ATG10: variants seen among roughly 807,000 people sequenced by gnomAD.
The protein encoded by ATG10 is autophagy related 10.
In ATG10, 30 loss-of-function variants were observed where a neutral mutation model predicts 32.1. The ratio of observed to expected loss-of-function variants is 0.94; its 90% CI spans 0.70 to 1.27. The LOEUF (loss-of-function observed/expected upper bound fraction) is 1.27, where lower values mean the gene tolerates loss of function less well. ATG10 is among the 50% of genes most tolerant of loss of function. The pLI, the probability that ATG10 is intolerant of heterozygous loss-of-function variation, is 0.00. For synonymous variants in ATG10, 87 were observed against 91.5 expected (o/e 0.95, Z 0.28); for missense variants, 233 against 262.3 (o/e 0.89, Z 0.77).
At chr5:82,061,347 A>G (rs1405692530) in intron 3 of ATG10, among the ~76,000 whole-genome samples, 1 of 15,118 alleles carries the variant, frequency 6.6e-5, no homozygotes, top group Non-Finnish European at 1.6e-4. Flanking sequence ...ATTTTCTTAG[A>G]ATGTTTTTTT....
chr5:82,117,276 A>G (rs1436956130), intron 3 of ATG10, among the ~76,000 whole-genome samples: 1 of 152,136 alleles, frequency 6.6e-6, no homozygotes, highest in Non-Finnish European at 1.5e-5. Flanking sequence ...AAATGGAATG[A>G]GGTTTGAGTA....
In ATG10 at chr5:81,977,921, AGG is replaced by A. The variant is rs1488356443; in HGVS notation, c.-13+5617_-13+5618del. 2.6e-5 allele frequency among the ~76,000 whole-genome samples: 4 copies of A among 152,240 alleles called. No individual in the cohort carries two copies. The East Asian group carries it at 7.7e-4, about 29-fold the overall frequency. On this transcript the variant is annotated intron_variant, in intron 1 of 7. Coordinates refer to ENST00000282185, the MANE Select transcript of ATG10 (RefSeq NM_031482.5). ...GACTTTTGCAAGAAGAAAAATTTAA[AGG>A]GAATGTGCCTTTCATTACAAAAATG...
chr5:82,115,085 G>A (rs2149818711), intron 3 of ATG10, among the ~76,000 whole-genome samples: 2 of 152,074 alleles, frequency 1.3e-5, no homozygotes, highest in Middle Eastern at 6.8e-3. Context: ...TGTATTGAAT[G>A]GAGTAAACCA....
At chr5:82,059,105 G>A (rs1472898568) in intron 3 of ATG10, among the ~76,000 whole-genome samples, 1 of 151,840 alleles carries the variant, frequency 6.6e-6, no homozygotes, top group Non-Finnish European at 1.5e-5. Flanking sequence ...GCTGGATCTG[G>A]GTCTTATTCC....
At chr5:82,115,639 C>T (rs1463034004) in intron 3 of ATG10, among the ~76,000 whole-genome samples, 1 of 151,926 alleles carries the variant, frequency 6.6e-6, no homozygotes, top group African/African-American at 2.4e-5. Flanking sequence ...TAACATCATA[C>T]TGTCTCATAC....
At chr5:82,139,490 C>T (rs1423281690) in intron 3 of ATG10, among the ~76,000 whole-genome samples, 20 of 138,192 alleles carry the variant, frequency 1.4e-4, no homozygotes, top group African/African-American at 5.3e-4. Context: ...GCCTCTGCCC[C>T]GCCGCCCCAT....
At chr5:82,193,621 C>T (rs991656948) in intron 5 of ATG10, among the ~76,000 whole-genome samples, 2 of 152,040 alleles carry the variant, frequency 1.3e-5, no homozygotes, top group African/African-American at 2.4e-5. Flanking sequence ...GGTCTTCATG[C>T]GATCAAATTA....
chr5:81,994,340 A>C (rs1405212428), intron 2 of ATG10, among the ~76,000 whole-genome samples: 1 of 152,190 alleles, frequency 6.6e-6, no homozygotes, highest in Non-Finnish European at 1.5e-5. Context: ...GAGTCCTAAA[A>C]ATGAAGGAAA....
chr5:82,098,308 G>GTTTTT (rs35693758), intron 3 of ATG10, among the ~76,000 whole-genome samples: 10 of 115,590 alleles, frequency 8.7e-5, no homozygotes, highest in Non-Finnish European at 1.3e-4. Flanking sequence ...TTGTTGTTGG[G>GTTTTT]TTTTTTTTTT....
chr5:82,242,622 G>T (rs755569321), intron 5 of ATG10, among the ~76,000 whole-genome samples: 6 of 152,118 alleles, frequency 3.9e-5, no homozygotes, highest in African/African-American at 4.8e-5. Flanking sequence ...ATGACAATTA[G>T]ACTGATAGTC....
chr5:82,193,740 G>C (rs1744749187), intron 5 of ATG10, among the ~76,000 whole-genome samples: 1 of 152,016 alleles, frequency 6.6e-6, no homozygotes, highest in African/African-American at 2.4e-5. Context: ...CTATCTCATT[G>C]GTAGAAATAA....
chr5:82,245,416 T>G (rs1746986694), intron 5 of ATG10, among the ~76,000 whole-genome samples: 1 of 152,220 alleles, frequency 6.6e-6, no homozygotes, highest in Non-Finnish European at 1.5e-5. Flanking sequence ...CTACTCTACT[T>G]TCCGTGAATA....
Position 82,141,572 on chromosome 5 carries a change from A to G in ATG10, c.217-22827A>G, listed in dbSNP as rs146523414. Among the ~76,000 whole-genome samples, 497 of 152,268 alleles carry G rather than the reference A, an allele frequency of 3.3e-3. 1 individual carries two copies. Among genetic ancestry groups the G allele is most frequent in the Non-Finnish European group, 5.4e-3 (366 of 68,022 alleles). ...AAGTATCAGTCATAATATACCCAGA[A>G]AAGACTGAAGAGATGAAAAAAATAA... On this transcript the variant is annotated intron_variant, in intron 3 of 7. Coordinates refer to ENST00000282185, the MANE Select transcript of ATG10 (RefSeq NM_031482.5).
At chr5:82,107,849 A>G (rs1437789207) in intron 3 of ATG10, among the ~76,000 whole-genome samples, 1 of 152,114 alleles carries the variant, frequency 6.6e-6, no homozygotes, top group Non-Finnish European at 1.5e-5. Context: ...TTCTTAATAA[A>G]AAACAAATAG....
At chr5:82,091,975 A>G (rs1485792413) in intron 3 of ATG10, among the ~76,000 whole-genome samples, 1 of 152,202 alleles carries the variant, frequency 6.6e-6, no homozygotes, top group Non-Finnish European at 1.5e-5. Context: ...TGGAAAACAC[A>G]TGTTTCTGAT....
chr5:82,038,611 C>T (rs1220232907), intron 2 of ATG10, among the ~76,000 whole-genome samples: 3 of 152,226 alleles, frequency 2.0e-5, no homozygotes, highest in Admixed American at 6.5e-5. Flanking sequence ...TCTTGATATG[C>T]GCTCCCCTGG....
intron 1 of ATG10, among the ~76,000 whole-genome samples, chr5:81,985,518 A>G (rs1761235530): frequency 6.6e-6 from 1 of 151,672 alleles, no homozygotes; most frequent in African/African-American, 2.4e-5. Context: ...TTTGAAATTC[A>G]AACTCAATAT....
chr5:82,146,742 T>C (rs1307987704), intron 3 of ATG10, among the ~76,000 whole-genome samples: 1 of 152,154 alleles, frequency 6.6e-6, no homozygotes, highest in Non-Finnish European at 1.5e-5. Context: ...TATTTGTATT[T>C]TTCAGGTATA....
chr5:82,193,143 G>A (rs775731365), intron 5 of ATG10, among the ~76,000 whole-genome samples: 1 of 152,180 alleles, frequency 6.6e-6, no homozygotes, highest in Non-Finnish European at 1.5e-5. Flanking sequence ...CGTGCCATTA[G>A]CAGTTGCATT....
Sources: allele counts gnomAD v4.1 joint callset (sites outside exome capture counted in the v4.1 genomes callset), GRCh38; gene constraint gnomAD v4.1.1; transcripts MANE v1.5; gene names NCBI Gene and HGNC (gene_info 2026-07-23, HGNC 2026-07-21).